Variants in LGALS1 observed in about 807,000 individuals in gnomAD.
LGALS1 encodes the protein galectin 1.
Under a neutral mutation model 14.4 loss-of-function variants are expected in LGALS1, and 14 were observed. That is an observed-to-expected ratio of 0.97 (90% CI 0.64 to 1.52). The LOEUF (loss-of-function observed/expected upper bound fraction) is 1.52. LGALS1 is among the 40% of genes most tolerant of loss of function. LGALS1 has a pLI of 0.00. For synonymous variants in LGALS1, 71 were observed against 73.4 expected (o/e 0.97, Z 0.17); for missense variants, 170 against 181.4 (o/e 0.94, Z 0.36).
At position 37,679,747 on chromosome 22, in the gene LGALS1, T is replaced by C. The variant is rs1403233821; in HGVS notation, c.406T>C (p.Ter136ArgextTer9). 6.3e-7 allele frequency: 1 copy of C among 1,589,816 alleles called. No individual in the cohort carries two copies. The highest frequency in any genetic ancestry group is 8.6e-7 in the Non-Finnish European group (1 of 1,166,554). The change falls in exon 4 of 4, where the codon TGA (stop) becomes CGA (arginine). Residue 136 changes from the stop codon to arginine, a stop_lost. Coordinates refer to ENST00000215909, the MANE Select transcript of LGALS1 (RefSeq NM_002305.4). ...DFKIKCVAFD[*>R] is the part of the protein sequence containing the mutation. ...CAAGATCAAATGTGTGGCCTTTGAC[T>C]GAAATCAGCCAGCCCATGGCCCCCA... is the stretch of plus-strand genomic sequence containing the variant.
rs35767287 is a variant in LGALS1, at chr22:37,678,558, C to T, written c.165C>T (p.Asp55=). 928 of 1,613,602 alleles carry T rather than the reference C, an allele frequency of 5.8e-4. 6 individuals carry two copies. In the South Asian group the frequency reaches 9.4e-3, roughly 16 times the overall value. ...HFNPRFNAHG[D]ANTIVCNSKD... is the part of the protein sequence containing the mutation. ...ACCCTCGCTTCAACGCCCACGGCGA[C>T]GCCAACACCATCGTGTGCAACAGCA... is the stretch of plus-strand genomic sequence containing the variant. The change falls in exon 3 of 4, where the codon GAC becomes GAT. Residue 55 remains aspartate, a synonymous_variant. Coordinates refer to ENST00000215909, the MANE Select transcript of LGALS1 (RefSeq NM_002305.4).
chr22:37,676,885 G>T (rs372544708), intron 1 of LGALS1, 101 bp from the exon 2 acceptor site: 10 of 1,158,646 alleles, frequency 8.6e-6, no homozygotes, highest in Non-Finnish European at 1.3e-5. Context: ...AGAGGATGCC[G>T]GGCGGGAACA....
Position 37,677,372 on chromosome 22 carries a change from G to C in LGALS1, c.89+307G>C, listed in dbSNP as rs531011860. On this transcript the variant is annotated intron_variant, in intron 2 of 3. Coordinates refer to ENST00000215909, the MANE Select transcript of LGALS1 (RefSeq NM_002305.4). ...CTGGGCGGGACCTGTCGCTGGGGAG[G>C]GCGGGGAGAGGAGTGGGGCGGGCGT... 3.7e-3 allele frequency: 1,379 copies of C among 369,946 alleles called. 6 individuals are homozygous for C. Among genetic ancestry groups the C allele is most frequent in the Non-Finnish European group, 5.2e-3 (1,029 of 197,276 alleles). The allele number at this position is 369,946 out of a possible 1,614,324, so 22.9% of individuals were successfully genotyped here. A position where few individuals can be genotyped will look rare whatever the true frequency, so the allele number is the denominator to read the frequency against.
intron 2 of LGALS1, chr22:37,678,280 G>T: frequency 1.4e-6 from 1 of 708,230 alleles, no homozygotes; most frequent in South Asian, 1.5e-5. Flanking sequence ...GAGCCCTCCT[G>T]TGCAGCCCCC....
intron 1 of LGALS1, 68 bp from the exon 2 acceptor site, chr22:37,676,918 C>A (rs1200080004): frequency 1.3e-6 from 2 of 1,550,944 alleles, no homozygotes; most frequent in Admixed American, 1.7e-5. Context: ...CCCCCAGCCA[C>A]CCCCGGACAC....
intron 2 of LGALS1, chr22:37,677,385 G>T: frequency 2.9e-6 from 1 of 349,818 alleles, no homozygotes; most frequent in African/African-American, 2.1e-5. Context: ...GGGGAGAGGA[G>T]TGGGGCGGGC....
intron 2 of LGALS1, chr22:37,677,398 C>T: frequency 3.0e-6 from 1 of 332,162 alleles, no homozygotes; most frequent in Non-Finnish European, 5.7e-6. Context: ...GGGCGGGCGT[C>T]ACCGCCGCCT....
At position 37,678,613 on chromosome 22, in the gene LGALS1, C is replaced by T. The variant is rs112573932; in HGVS notation, c.220C>T (p.Arg74Trp). Residue 74 changes from arginine (R) to tryptophan (W), a missense_variant, in exon 3 of 4, where the codon CGG becomes TGG. Transcript: ENST00000215909. ...KDGGAWGTEQ[R>W]EAVFPFQPGS... ...CGGCGGGGCCTGGGGGACCGAGCAGCGGGAGGCTGTCTTTCCCTTCCAGCC... is the reference window on the plus strand; with the variant it reads ...CGGCGGGGCCTGGGGGACCGAGCAGTGGGAGGCTGTCTTTCCCTTCCAGCC... 58 of 1,373,502 alleles carry T rather than the reference C, an allele frequency of 4.2e-5. No individual in the cohort carries two copies. In the African/African-American group the frequency reaches 4.8e-4, roughly 11 times the overall value. The allele number at this position is 1,373,502 out of a possible 1,614,324, so 85.1% of individuals were successfully genotyped here. A position where few individuals can be genotyped will look rare whatever the true frequency, so the allele number is the denominator to read the frequency against.
chr22:37,676,617 T>C (rs1437507564), intron 1 of LGALS1, among the ~76,000 whole-genome samples: 1 of 152,004 alleles, frequency 6.6e-6, no homozygotes, highest in East Asian at 1.9e-4. Flanking sequence ...AGTGTGACGG[T>C]GGGCCAAGTG....
Position 37,677,075 on chromosome 22 carries a change from G to T in LGALS1, c.89+10G>T, listed in dbSNP as rs370401488. The T allele has an allele frequency of 1.4e-5, 23 of 1,613,660 alleles. No individual in the cohort carries two copies. The highest frequency in any genetic ancestry group is 1.7e-4 in the Middle Eastern group (1 of 6,056). ...CTCCTGACGCTAAGAGGTGAGAAGT[G>T]AAGTCGGGGTGGTGGGCGGCAGGGA... On this transcript the variant is annotated intron_variant, in intron 2 of 3. Coordinates refer to ENST00000215909, the MANE Select transcript of LGALS1 (RefSeq NM_002305.4).
chr22:37,677,234 C>A (rs529790640), intron 2 of LGALS1, 169 bp downstream of exon 2: 85 of 644,084 alleles, frequency 1.3e-4, no homozygotes, highest in Non-Finnish European at 2.1e-4. Flanking sequence ...TGGGCGCCCC[C>A]ACCGTTGCCG....
chr22:37,678,534 C>A lies in LGALS1; in HGVS notation c.141C>A (p.Asn47Lys). The A allele has an allele frequency of 6.2e-7, 1 of 1,613,674 alleles. No homozygotes were observed. Among genetic ancestry groups the A allele is most frequent in the Non-Finnish European group, 8.5e-7 (1 of 1,180,048 alleles). Residue 47 changes from asparagine to lysine, a missense_variant, in exon 3 of 4, where the codon AAC becomes AAA. Transcript: ENST00000215909. The stretch of plus-strand genomic sequence containing the variant: ...GCAACAACCTGTGCCTGCACTTCAA[C>A]CCTCGCTTCAACGCCCACGGCGACG... ...KDSNNLCLHF[N>K]PRFNAHGDAN...
At position 37,678,588 on chromosome 22, in the gene LGALS1, C is replaced by T. The variant is rs749836349; in HGVS notation, c.195C>T (p.Asp65=). The T allele has an allele frequency of 3.0e-5, 48 of 1,580,934 alleles. No homozygotes were observed. The highest frequency in any genetic ancestry group is 1.7e-4 in the Middle Eastern group (1 of 5,964). Residue 65 remains aspartate (D), a synonymous_variant, in exon 3 of 4, where the codon GAC becomes GAT. Coordinates refer to ENST00000215909, the MANE Select transcript of LGALS1 (RefSeq NM_002305.4). The stretch of plus-strand genomic sequence containing the variant: ...ACACCATCGTGTGCAACAGCAAGGA[C>T]GGCGGGGCCTGGGGGACCGAGCAGC... The part of the protein sequence containing the change: ...DANTIVCNSK[D]GGAWGTEQRE...
intron 3 of LGALS1, among the ~76,000 whole-genome samples, 158 bp from the exon 4 acceptor site, chr22:37,679,444 AT>A (rs1254138517): frequency 6.6e-6 from 1 of 151,874 alleles, no homozygotes; most frequent in Non-Finnish European, 1.5e-5. Flanking sequence ...AAAAAAAAAA[AT>A]CTATCATAGG....
chr22:37,675,731 C>CG lies in LGALS1; in HGVS notation c.9+20_9+21insG, dbSNP rs775584971. ...GCTTGTGTGAGTGTGGGGACCCCCC[C>CG]CCAAGGTCCAGGGGATAGGGCAGGA... On this transcript the variant is annotated intron_variant, in intron 1 of 3. Coordinates refer to ENST00000215909, the MANE Select transcript of LGALS1 (RefSeq NM_002305.4). 1.6e-5 allele frequency: 24 copies of CG among 1,539,000 alleles called. No homozygotes were observed. The highest frequency in any genetic ancestry group is 2.0e-5 in the Admixed American group (1 of 49,744).
chr22:37,677,336 C>A, intron 2 of LGALS1: 1 of 468,494 alleles, frequency 2.1e-6, no homozygotes, highest in South Asian at 2.2e-5. Context: ...CCGCCCCCAC[C>A]CCTTTCCGGT....
Position 37,675,671 on chromosome 22 carries a change from G to C in LGALS1, c.-32G>C. 2 of 1,547,486 alleles carry C rather than the reference G, an allele frequency of 1.3e-6. No homozygotes were observed. Among genetic ancestry groups the C allele is most frequent in the Non-Finnish European group, 1.7e-6 (2 of 1,146,052 alleles). Reference sequence around the variant, plus strand: ...GGTGGAGTCTTCTGACAGCTGGTGCGCCTGCCCGGGAACATCCTCCTGGAC... The same window carrying C: ...GGTGGAGTCTTCTGACAGCTGGTGCCCCTGCCCGGGAACATCCTCCTGGAC... On this transcript the variant is annotated 5_prime_UTR_variant, in exon 1 of 4. Coordinates refer to ENST00000215909, the MANE Select transcript of LGALS1 (RefSeq NM_002305.4).
chr22:37,675,963 T>G (rs1223053062), intron 1 of LGALS1, among the ~76,000 whole-genome samples: 2 of 152,164 alleles, frequency 1.3e-5, no homozygotes, highest in South Asian at 2.1e-4. Flanking sequence ...CTGCCCAGGG[T>G]TGACATTCTG....
intron 1 of LGALS1, 33 bp from the exon 2 acceptor site, chr22:37,676,953 C>G (rs752895863): frequency 1.2e-6 from 2 of 1,613,324 alleles, no homozygotes; most frequent in Non-Finnish European, 1.7e-6. Flanking sequence ...GCCTTGTCCT[C>G]TAACCCGGCT....
Sources: gnomAD v4.1 joint callset for allele counts (sites outside exome capture counted in the v4.1 genomes callset) on GRCh38, gnomAD v4.1.1 for gene constraint, MANE v1.5 for transcripts, NCBI Gene and HGNC (gene_info 2026-07-23, HGNC 2026-07-21) for gene names.